SMC1A: variants seen among roughly 807,000 people sequenced by gnomAD.
SMC1A encodes the protein structural maintenance of chromosomes protein 1A.
SMC1A carries 4 observed loss-of-function variants against 94.5 expected under a neutral mutation model. That is an observed-to-expected ratio of 0.04 (90% confidence interval 0.02 to 0.10). The LOEUF (loss-of-function observed/expected upper bound fraction) is 0.10, where lower values mean the gene tolerates loss of function less well. Ranked by LOEUF, SMC1A falls within the 10% of genes least tolerant of loss-of-function variation. The pLI is 1.00. For synonymous variants in SMC1A, 345 were observed against 347.7 expected (o/e 0.99, Z 0.09); for missense variants, 304 against 989.0 (o/e 0.31, Z 9.29).
intron 9 of SMC1A, among the ~76,000 whole-genome samples, chrX:53,408,747 C>G (rs1314271556): frequency 9.2e-6 from 1 of 108,936 alleles, no homozygotes; most frequent in Admixed American, 9.9e-5. Flanking sequence ...AATTCCCCTC[C>G]CAGAGGCATA....
At position 53,405,660 on chromosome X, in the gene SMC1A, C is replaced by T; in HGVS notation, c.1744G>A (p.Asp582Asn). The T allele has an allele frequency of 8.3e-7, 1 of 1,211,861 alleles. No homozygotes were observed. Residue 582 changes from aspartate to asparagine, a missense_variant, in exon 11 of 25, where the codon GAT becomes AAT. By Grantham distance (23) the Asp-to-Asn change is conservative. Around this residue, in one of 11 missense-constraint regions of SMC1A, gnomAD observed 57 missense variants for 278.1 expected, o/e 0.20. Transcript: ENST00000322213. ...PLDYLEVKPT[D>N]EKLRELKGAK... ...CCCTTCAGCTCCCGGAGTTTCTCAT[C>T]TGTAGGCTTCACCTGTGGGGAGAAG...
At chrX:53,386,626 CAG>C (rs1312617229) in intron 19 of SMC1A, among the ~76,000 whole-genome samples, 4 of 111,105 alleles carry the variant, frequency 3.6e-5, no homozygotes, top group Non-Finnish European at 5.7e-5. Flanking sequence ...AGGGGAAAGA[CAG>C]GGGAAAGATG....
chrX:53,387,874 C>T (rs182271147), intron 19 of SMC1A, among the ~76,000 whole-genome samples: 1 of 110,586 alleles, frequency 9.0e-6, no homozygotes, highest in East Asian at 2.8e-4. Context: ...GATATGAGAA[C>T]TCAGTGGACA....
intron 16 of SMC1A, among the ~76,000 whole-genome samples, chrX:53,398,236 CA>C (rs1406547481): frequency 1.9e-5 from 2 of 105,217 alleles, no homozygotes; most frequent in Admixed American, 1.0e-4. Flanking sequence ...CTTTAATCAT[CA>C]GGGGTTAATG....
chrX:53,412,533 C>T (rs1446953640), intron 5 of SMC1A, among the ~76,000 whole-genome samples: 2 of 112,028 alleles, frequency 1.8e-5, no homozygotes, highest in Non-Finnish European at 3.8e-5. Flanking sequence ...CCAAGAACAT[C>T]CTGTATTTAC....
At chrX:53,395,278 G>A (rs1156867291) in intron 18 of SMC1A, among the ~76,000 whole-genome samples, 2 of 112,372 alleles carry the variant, frequency 1.8e-5, no homozygotes, top group Non-Finnish European at 3.8e-5. Flanking sequence ...GGGAGGCGGA[G>A]GCTGCAGTGA....
At chrX:53,385,644 T>G (rs2075602027) in intron 19 of SMC1A, among the ~76,000 whole-genome samples, 1 of 110,103 alleles carries the variant, frequency 9.1e-6, no homozygotes, top group East Asian at 2.8e-4. Flanking sequence ...GAAGTGAAGG[T>G]AGAGGGAATA....
intron 7 of SMC1A, among the ~76,000 whole-genome samples, chrX:53,410,926 C>CAAAAAAAAAGAAAAAAAA (rs2075709419): frequency 3.5e-5 from 1 of 28,815 alleles, no homozygotes; most frequent in Non-Finnish European, 5.1e-5. Context: ...GGCTTTGTCT[C>CAAAAAAAAAGAAAAAAAA]AAAAAAAAAA....
At chrX:53,400,297 C>CTTAT (rs1173392610) in intron 15 of SMC1A, among the ~76,000 whole-genome samples, 6 of 111,445 alleles carry the variant, frequency 5.4e-5, no homozygotes, top group Non-Finnish European at 1.1e-4. Flanking sequence ...ACCACTGCAA[C>CTTAT]ATAATGTAGT....
Position 53,382,389 on chromosome X carries a change from G to A in SMC1A, c.3286-6C>T. The A allele has an allele frequency of 8.3e-7, 1 of 1,204,591 alleles. No individual in the cohort carries two copies. The highest frequency in any genetic ancestry group is 1.8e-5 in the South Asian group (1 of 56,000). On this transcript the variant is annotated splice_polypyrimidine_tract_variant and splice_region_variant and intron_variant, in intron 21 of 24. Coordinates refer to ENST00000322213, the MANE Select transcript of SMC1A (RefSeq NM_006306.4). ...TTCTCAGGGCCCAGGAATGCCTAGG[G>A]GAAGGCAGATGGGTCAGGATCTGTA...
intron 1 of SMC1A, chrX:53,421,984 AGAG>A (rs1262533495): frequency 8.3e-7 from 1 of 1,208,160 alleles, no homozygotes; most frequent in African/African-American, 1.8e-5. Context: ...TGCCGCCTCC[AGAG>A]AAGAGTAGAA....
Position 53,405,002 on chromosome X carries a change from C to T in SMC1A, c.2196+10G>A. On this transcript the variant is annotated intron_variant, in intron 13 of 24. Coordinates refer to ENST00000322213, the MANE Select transcript of SMC1A (RefSeq NM_006306.4). ...GCCTTTGGAGAACAGGGCTGAAGGC[C>T]AGGCCCCACCTGCAGATTCAGGGCT... 1 of 1,194,469 alleles carries T rather than the reference C, an allele frequency of 8.4e-7. No individual in the cohort carries two copies. Among genetic ancestry groups the T allele is most frequent in the Non-Finnish European group, 1.1e-6 (1 of 887,621 alleles).
chrX:53,415,004 C>T lies in SMC1A; in HGVS notation c.275G>A (p.Arg92His), dbSNP rs782788649. The T allele has an allele frequency of 8.3e-7, 1 of 1,210,886 alleles. No homozygotes were observed. The highest frequency in any genetic ancestry group is 1.1e-6 in the Non-Finnish European group (1 of 895,223). Reference protein sequence around the residue: ...MVYSEEGAEDRTFARVIVGGS... With the variant: ...MVYSEEGAEDHTFARVIVGGS... ...ACCTACAATGACACGGGCAAAGGTA[C>T]GGTCCTCAGCACCCTCCTCAGAGTA... Residue 92 changes from arginine to histidine, a missense_variant, in exon 2 of 25, where the codon CGT becomes CAT. Physicochemically the swap from Arg to His is conservative, Grantham distance 29 (BLOSUM62 0). This residue lies in a region of SMC1A where 120 missense variants were observed against 314.9 expected (regional missense o/e 0.38). Transcript: ENST00000322213.
At chrX:53,419,680 C>T (rs782765384) in intron 1 of SMC1A, among the ~76,000 whole-genome samples, 9 of 109,127 alleles carry the variant, frequency 8.2e-5, no homozygotes, top group Admixed American at 2.9e-4. Flanking sequence ...AAAAACTGGC[C>T]GGGCATAGTG....
rs55878070 is a variant in SMC1A at position 53,394,152 on chromosome X, C to CA, written c.2973+625dup. 4.7e-3 allele frequency among the ~76,000 whole-genome samples: 202 copies of CA among 42,561 alleles called. 2 individuals are homozygous for CA. Among genetic ancestry groups the CA allele is most frequent in the East Asian group, 0.017 (22 of 1,294 alleles). The allele number at this position is 42,561 out of a possible 115,157, so 37.0% of individuals were successfully genotyped here. On this transcript the variant is annotated intron_variant, in intron 19 of 24. Coordinates refer to ENST00000322213, the MANE Select transcript of SMC1A (RefSeq NM_006306.4). Reference sequence around the variant, plus strand: ...GGGCAACAAGAGTGAAACTCCGTCTCAAAAAAAAAAAAAAAAAAAAAAGAT... The same window carrying CA: ...GGGCAACAAGAGTGAAACTCCGTCTCAAAAAAAAAAAAAAAAAAAAAAAGAT...
At chrX:53,416,969 A>T (rs2075734533) in intron 1 of SMC1A, among the ~76,000 whole-genome samples, 1 of 108,499 alleles carries the variant, frequency 9.2e-6, no homozygotes, top group African/African-American at 3.3e-5. Flanking sequence ...TTGTTATAAT[A>T]AAGACAAGGT....
Position 53,380,059 on chromosome X carries a change from G to A in SMC1A, c.*44C>T. On this transcript the variant is annotated 3_prime_UTR_variant, in exon 25 of 25. Coordinates refer to ENST00000322213, the MANE Select transcript of SMC1A (RefSeq NM_006306.4). ...GTCAAATATCCAGAGATTGGGAGAG[G>A]GACAGCTTAGGGATCCAGACAGGGC... 1 of 928,720 alleles carries A rather than the reference G, an allele frequency of 1.1e-6. No homozygotes were observed. 76.5% of individuals were successfully genotyped at this position (928,720 alleles called of 1,213,427 possible). A position where few individuals can be genotyped will look rare whatever the true frequency, so the allele number is the denominator to read the frequency against.
At chrX:53,386,114 A>G (rs1407001505) in intron 19 of SMC1A, among the ~76,000 whole-genome samples, 2 of 111,622 alleles carry the variant, frequency 1.8e-5, no homozygotes, top group African/African-American at 6.5e-5. Flanking sequence ...ACTTAACATG[A>G]ATCCATTGAG....
At chrX:53,389,901 G>A (rs1311327552) in intron 19 of SMC1A, among the ~76,000 whole-genome samples, 1 of 88,581 alleles carries the variant, frequency 1.1e-5, no homozygotes, top group Non-Finnish European at 2.2e-5. Flanking sequence ...CCAGGCTGGA[G>A]TGCAATGGCG....
Sources: gnomAD v4.1 joint callset for allele counts (sites outside exome capture counted in the v4.1 genomes callset) on GRCh38, gnomAD v4.1.1 for gene constraint, gnomAD v4.1.1 regional missense constraint, MANE v1.5 for transcripts, NCBI Gene and HGNC (gene_info 2026-07-23, HGNC 2026-07-21) for gene names.